Variants in NDST3 observed in about 807,000 individuals in gnomAD.
NDST3 encodes the protein bifunctional heparan sulfate N-deacetylase/N-sulfotransferase 3.
NDST3 carries 58 observed loss-of-function variants against 96.1 expected under a neutral mutation model. The observed-to-expected ratio is 0.60, with a 90% CI of 0.49 to 0.75. The LOEUF (loss-of-function observed/expected upper bound fraction) is 0.75, where lower values mean the gene tolerates loss of function less well. NDST3 is among the 30% of genes least tolerant of loss of function. The pLI is 0.00. For missense variants in NDST3, 788 were observed against 1,034.2 expected (o/e 0.76, Z 3.27); for synonymous variants, 333 against 359.7 (o/e 0.93, Z 0.84).
At chr4:118,107,296 A>G (rs1730280069) in intron 3 of NDST3, among the ~76,000 whole-genome samples, 1 of 152,220 alleles carries the variant, frequency 6.6e-6, no homozygotes, top group African/African-American at 2.4e-5. Flanking sequence ...GTTTTTTCAC[A>G]ATCATAATTA....
intron 5 of NDST3, among the ~76,000 whole-genome samples, chr4:118,139,907 T>C (rs1028270771): frequency 7.2e-5 from 11 of 152,190 alleles, no homozygotes; most frequent in Admixed American, 6.5e-5. Flanking sequence ...TGCTGCTTCC[T>C]ACTTTATCTA....
At chr4:118,227,646 C>G (rs1357380107) in intron 8 of NDST3, among the ~76,000 whole-genome samples, 1 of 131,768 alleles carries the variant, frequency 7.6e-6, no homozygotes, top group Admixed American at 9.1e-5. Context: ...GAGTCTCGCT[C>G]TGTCACCCAG....
rs1236892536 is a variant in NDST3, at chr4:118,149,235, C to T, written c.1539+5551C>T. On this transcript the variant is annotated intron_variant, in intron 6 of 13. Coordinates refer to ENST00000296499, the MANE Select transcript of NDST3 (RefSeq NM_004784.3). ...TTGGCTTAGGATTGACTTGGCGATGCGGGCTCTTTTTTGGTTCCATATGAA... is the reference window on the plus strand; with the variant it reads ...TTGGCTTAGGATTGACTTGGCGATGTGGGCTCTTTTTTGGTTCCATATGAA... 2.2e-4 allele frequency among the ~76,000 whole-genome samples: 33 copies of T among 152,112 alleles called. No homozygotes were observed. The East Asian group carries it at 2.5e-3, about 12-fold the overall frequency.
chr4:118,246,064 T>G, intron 12 of NDST3, among the ~76,000 whole-genome samples: 1 of 152,204 alleles, frequency 6.6e-6, no homozygotes, highest in East Asian at 1.9e-4. Context: ...TAAAAAGAAC[T>G]AGAGCCTTAA....
intron 6 of NDST3, chr4:118,194,842 G>A: frequency 3.1e-6 from 1 of 324,466 alleles, no homozygotes; most frequent in South Asian, 4.7e-5. Flanking sequence ...GTGTGCAGGA[G>A]GCCAGGTGCT....
Position 118,141,189 on chromosome 4 carries a change from AG to A in NDST3, c.1411-2363del, listed in dbSNP as rs1160481783. Among the ~76,000 whole-genome samples the A allele has an allele frequency of 5.9e-5, 9 of 152,178 alleles. No individual in the cohort carries two copies. In the South Asian group the frequency reaches 1.7e-3, roughly 28 times the overall value. On this transcript the variant is annotated intron_variant, in intron 5 of 13. Coordinates refer to ENST00000296499, the MANE Select transcript of NDST3 (RefSeq NM_004784.3). ...TATTTTCAGCAGCAATAGGGTTCTC[AG>A]GGGTTCATCGGCATCTCAAAGTTTG...
intron 2 of NDST3, among the ~76,000 whole-genome samples, chr4:118,092,114 C>G (rs1327176660): frequency 6.6e-6 from 1 of 150,702 alleles, no homozygotes; most frequent in Non-Finnish European, 1.5e-5. Flanking sequence ...GTACAATGTG[C>G]AGGTTTGTCA....
chr4:118,148,156 GGCGTGGTGGCAGGCGC>G (rs1434121245), intron 6 of NDST3, among the ~76,000 whole-genome samples: 1 of 152,168 alleles, frequency 6.6e-6, no homozygotes, highest in African/African-American at 2.4e-5. Flanking sequence ...AAATTAGCCA[GGCGTGGTGGCAGGCGC>G]CTGTAGTCCC....
chr4:118,187,611 C>T (rs1393984573), intron 6 of NDST3, among the ~76,000 whole-genome samples: 3 of 152,138 alleles, frequency 2.0e-5, no homozygotes, highest in Non-Finnish European at 1.5e-5. Flanking sequence ...TAAAAGTATA[C>T]CCCAAGAGGG....
chr4:118,162,481 G>GA (rs1438830194), intron 6 of NDST3, among the ~76,000 whole-genome samples: 1 of 151,854 alleles, frequency 6.6e-6, no homozygotes, highest in Non-Finnish European at 1.5e-5. Flanking sequence ...AAAAACCTGA[G>GA]AAAAACAAGC....
At chr4:118,131,788 C>A (rs549800020) in intron 4 of NDST3, among the ~76,000 whole-genome samples, 1 of 151,970 alleles carries the variant, frequency 6.6e-6, no homozygotes, top group South Asian at 2.1e-4. Context: ...CCCAATATCA[C>A]TGTGGTCCTT....
chr4:118,204,403 T>C (rs1024816904), intron 6 of NDST3, among the ~76,000 whole-genome samples: 1 of 144,528 alleles, frequency 6.9e-6, no homozygotes, highest in African/African-American at 2.6e-5. Flanking sequence ...TCAGAGAGAC[T>C]CCAGTGCAGC....
intron 3 of NDST3, among the ~76,000 whole-genome samples, chr4:118,113,602 C>T (rs1015357930): frequency 2.6e-5 from 4 of 152,208 alleles, no homozygotes; most frequent in African/African-American, 9.6e-5. Flanking sequence ...TGCCTCCCTT[C>T]TTTGGGAAAC....
intron 6 of NDST3, among the ~76,000 whole-genome samples, chr4:118,186,483 T>C (rs759748494): frequency 1.3e-5 from 2 of 152,226 alleles, no homozygotes; most frequent in Non-Finnish European, 2.9e-5. Context: ...GAGTCTAATG[T>C]TCGAGGACAG....
chr4:118,096,706 G>GATAT (rs1335084854), intron 2 of NDST3, among the ~76,000 whole-genome samples: 26 of 151,584 alleles, frequency 1.7e-4, no homozygotes, highest in Non-Finnish European at 3.5e-4. Context: ...TAGATAGATA[G>GATAT]ATAGACAGTT....
At chr4:118,130,047 A>T (rs919970701) in intron 4 of NDST3, among the ~76,000 whole-genome samples, 3 of 151,992 alleles carry the variant, frequency 2.0e-5, no homozygotes, top group Non-Finnish European at 4.4e-5. Flanking sequence ...ATATCTTTTC[A>T]CATCCCTTTA....
chr4:118,034,614 T>C (rs1215036774), intron 1 of NDST3, 22 bp downstream of exon 1: 3 of 152,214 alleles, frequency 2.0e-5, no homozygotes, highest in South Asian at 4.1e-4. Flanking sequence ...TATTTATTTA[T>C]ACTGTGCATT....
At chr4:118,071,707 T>A (rs1401627649) in intron 2 of NDST3, among the ~76,000 whole-genome samples, 1 of 152,202 alleles carries the variant, frequency 6.6e-6, no homozygotes, top group East Asian at 1.9e-4. Flanking sequence ...CTATTGTGAA[T>A]AGTGCTGCCA....
intron 1 of NDST3, among the ~76,000 whole-genome samples, chr4:118,035,131 T>G (rs141111094): frequency 6.6e-6 from 1 of 152,282 alleles, no homozygotes; most frequent in African/African-American, 2.4e-5. Flanking sequence ...ATTTAATATA[T>G]CCATTTTGTG....
Sources: allele counts gnomAD v4.1 joint callset (sites outside exome capture counted in the v4.1 genomes callset), GRCh38; gene constraint gnomAD v4.1.1; transcripts MANE v1.5; gene names NCBI Gene and HGNC (gene_info 2026-07-23, HGNC 2026-07-21).